Variants in BTNL8 observed in about 807,000 individuals in gnomAD.
BTNL8 encodes the protein butyrophilin-like protein 8.
A neutral mutation model predicts 36.1 loss-of-function variants in BTNL8; 22 were observed. That is an observed-to-expected ratio of 0.61 (90% CI 0.44 to 0.87). BTNL8 has a LOEUF of 0.87. Ranked by LOEUF, BTNL8 falls within the 40% of genes least tolerant of loss-of-function variation. The pLI, the probability that BTNL8 is intolerant of heterozygous loss-of-function variation, is 0.00. For missense variants in BTNL8, 526 were observed against 616.9 expected, an observed-to-expected ratio of 0.85 and a Z score of 1.56; for synonymous variants, 203 against 235.6, an observed-to-expected ratio of 0.86 and a Z score of 1.27.
chr5:180,927,869 G>A (rs1316554306), intron 3 of BTNL8, among the ~76,000 whole-genome samples: 2 of 152,188 alleles, frequency 1.3e-5, no homozygotes, highest in Non-Finnish European at 2.9e-5. Context: ...TGCTATACAT[G>A]AAAGTGACGG....
chr5:180,914,697 G>A (rs1757545953), intron 3 of BTNL8, among the ~76,000 whole-genome samples: 1 of 152,132 alleles, frequency 6.6e-6, no homozygotes, highest in Non-Finnish European at 1.5e-5. Context: ...GACATGATTA[G>A]GATGGTGAAA....
At chr5:180,931,245 C>G (rs1317852417) in intron 3 of BTNL8, among the ~76,000 whole-genome samples, 1 of 152,170 alleles carries the variant, frequency 6.6e-6, no homozygotes, top group African/African-American at 2.4e-5. Flanking sequence ...GTTGGGAAAA[C>G]TGGCTAGCCA....
chr5:180,937,682 A>G (rs1758722549), intron 3 of BTNL8, among the ~76,000 whole-genome samples: 1 of 152,194 alleles, frequency 6.6e-6, no homozygotes, highest in Non-Finnish European at 1.5e-5. Flanking sequence ...TTATTGTTCC[A>G]CCAAATTTGC....
intron 3 of BTNL8, among the ~76,000 whole-genome samples, chr5:180,924,170 C>G (rs1757993566): frequency 6.6e-6 from 1 of 152,162 alleles, no homozygotes; most frequent in South Asian, 2.1e-4. Context: ...TGCATATTCC[C>G]TAGATAGGAA....
At chr5:180,926,024 G>A (rs1256786760) in intron 3 of BTNL8, among the ~76,000 whole-genome samples, 4 of 152,210 alleles carry the variant, frequency 2.6e-5, no homozygotes, top group Non-Finnish European at 4.4e-5. Context: ...CACAGCAGGC[G>A]GTGGCTGGCA....
In BTNL8 at chr5:180,915,558, A is replaced by G. The variant is rs1409331003; in HGVS notation, c.673+3944A>G. Among the ~76,000 whole-genome samples, 3 of 152,230 alleles carry G rather than the reference A, an allele frequency of 2.0e-5. No homozygotes were observed. The East Asian group carries it at 5.8e-4, about 29-fold the overall frequency. ...CATAAAAAAGATCTGAGAGACTTCC[A>G]GAGTATCTAGCCAGGCTGACTGGTC... is the stretch of plus-strand genomic sequence containing the variant. On this transcript the variant is annotated intron_variant, in intron 3 of 7. Coordinates refer to ENST00000340184, the MANE Select transcript of BTNL8 (RefSeq NM_001040462.3).
rs777032458 is a variant in BTNL8 at position 180,947,693 on chromosome 5, G to A, written c.787+68G>A. 6 of 1,614,078 alleles carry A rather than the reference G, an allele frequency of 3.7e-6. No individual in the cohort carries two copies. The East Asian group carries it at 1.3e-4, about 36-fold the overall frequency. On this transcript the variant is annotated intron_variant, in intron 4 of 7. Transcript: ENST00000340184. Reference sequence around the variant, plus strand: ...TTCCAGCAGGGACAGGATCAGAGATGCTCCCACATCCAGCTGCTTCTCTTC... The same window carrying A: ...TTCCAGCAGGGACAGGATCAGAGATACTCCCACATCCAGCTGCTTCTCTTC...
intron 3 of BTNL8, among the ~76,000 whole-genome samples, chr5:180,934,565 G>C (rs1226565849): frequency 6.6e-6 from 1 of 152,228 alleles, no homozygotes; most frequent in South Asian, 2.1e-4. Flanking sequence ...TGGCTGCTGT[G>C]GTGGAGCAGG....
chr5:180,916,789 T>A (rs1757648827), intron 3 of BTNL8, among the ~76,000 whole-genome samples: 1 of 152,214 alleles, frequency 6.6e-6, no homozygotes, highest in African/African-American at 2.4e-5. Context: ...ATGTCTCAAA[T>A]GGAACAGAGC....
chr5:180,950,885 CATT>C lies in BTNL8; in HGVS notation c.*344_*346del, dbSNP rs1027334368. ...ACAGAGTGTATCCTAATGGTTTGTT[CATT>C]ATATTACACTTTCAGTAAGGTCTTT... is the stretch of plus-strand genomic sequence containing the variant. On this transcript the variant is annotated 3_prime_UTR_variant, in exon 8 of 8. Coordinates refer to ENST00000340184, the MANE Select transcript of BTNL8 (RefSeq NM_001040462.3). 3.5e-6 allele frequency: 1 copy of C among 289,138 alleles called. No individual in the cohort carries two copies. The highest frequency in any genetic ancestry group is 2.2e-5 in the African/African-American group (1 of 45,974). The allele number at this position is 289,138 out of a possible 1,614,324, so 17.9% of individuals were successfully genotyped here.
intron 4 of BTNL8, chr5:180,947,970 G>A: frequency 1.4e-6 from 1 of 708,408 alleles, no homozygotes; most frequent in Non-Finnish European, 2.3e-6. Context: ...AAGCAAAAGT[G>A]ACTGACAATA....
chr5:180,931,345 CTG>C (rs1322797782), intron 3 of BTNL8, among the ~76,000 whole-genome samples: 1 of 152,126 alleles, frequency 6.6e-6, no homozygotes, highest in African/African-American at 2.4e-5. Flanking sequence ...AAACCTAAAA[CTG>C]TAAAAACCCT....
chr5:180,940,987 G>GGAGGCT (rs1582058685), intron 3 of BTNL8, among the ~76,000 whole-genome samples: 3 of 151,988 alleles, frequency 2.0e-5, no homozygotes, highest in Middle Eastern at 3.2e-3. Context: ...CAACTACTCA[G>GGAGGCT]GAGGCTGAGG....
chr5:180,922,045 T>G (rs1757889485), intron 3 of BTNL8, among the ~76,000 whole-genome samples: 1 of 150,304 alleles, frequency 6.7e-6, no homozygotes, highest in South Asian at 2.1e-4. Context: ...TAATATCCCC[T>G]TTGTCATTTC....
intron 1 of BTNL8, among the ~76,000 whole-genome samples, chr5:180,907,684 T>G (rs946757545): frequency 5.3e-5 from 8 of 151,956 alleles, no homozygotes; most frequent in Non-Finnish European, 1.2e-4. Flanking sequence ...ATGATGGTGA[T>G]GTACAGATGG....
chr5:180,917,827 G>T (rs957567684), intron 3 of BTNL8, among the ~76,000 whole-genome samples: 3 of 151,992 alleles, frequency 2.0e-5, no homozygotes, highest in African/African-American at 7.3e-5. Flanking sequence ...AGGAGATCGA[G>T]ACCATCCTGG....
At chr5:180,940,053 A>G (rs577491186) in intron 3 of BTNL8, among the ~76,000 whole-genome samples, 4 of 152,320 alleles carry the variant, frequency 2.6e-5, no homozygotes, top group Admixed American at 2.6e-4. Flanking sequence ...GAAAATATAA[A>G]TACAACATAC....
chr5:180,918,948 A>T (rs1169242290), intron 3 of BTNL8, among the ~76,000 whole-genome samples: 1 of 152,146 alleles, frequency 6.6e-6, no homozygotes, highest in African/African-American at 2.4e-5. Flanking sequence ...ATAGGTGGCA[A>T]ATGTTTCATA....
At chr5:180,947,369 G>T (rs2113867636) in intron 3 of BTNL8, 143 bp from the exon 4 acceptor site, 4 of 1,160,312 alleles carry the variant, frequency 3.4e-6, no homozygotes, top group Non-Finnish European at 4.9e-6. Flanking sequence ...TATAACAAAA[G>T]TACAATCAAA....
Sources: allele counts gnomAD v4.1 joint callset (sites outside exome capture counted in the v4.1 genomes callset), GRCh38; gene constraint gnomAD v4.1.1; transcripts MANE v1.5; gene names NCBI Gene and HGNC (gene_info 2026-07-23, HGNC 2026-07-21).